MKLN1: variants seen among roughly 807,000 people sequenced by gnomAD.
MKLN1 encodes the protein muskelin 1.
MKLN1 carries 18 observed loss-of-function variants against 99.0 expected under a neutral mutation model. The observed-to-expected ratio is 0.18, with a 90% confidence interval of 0.13 to 0.27. MKLN1 has a LOEUF of 0.27. Among genes scored for constraint, MKLN1 ranks in the 10% least tolerant of loss-of-function variants. The pLI, the probability that MKLN1 is intolerant of heterozygous loss-of-function variation, is 1.00. For synonymous variants in MKLN1, 288 were observed against 293.2 expected (o/e 0.98, Z 0.18); for missense variants, 621 against 875.9 (o/e 0.71, Z 3.67).
At chr7:131,392,514 T>A (rs1039201023) in intron 4 of MKLN1, among the ~76,000 whole-genome samples, 2 of 152,182 alleles carry the variant, frequency 1.3e-5, no homozygotes, top group East Asian at 1.9e-4. Flanking sequence ...CTGTGCTAAG[T>A]ATACTTATGT....
At chr7:131,257,134 C>G (rs1467695592) in intron 3 of MKLN1, among the ~76,000 whole-genome samples, 1 of 152,092 alleles carries the variant, frequency 6.6e-6, no homozygotes, top group Non-Finnish European at 1.5e-5. Flanking sequence ...TAACAAGTAT[C>G]TATAAAATGC....
At position 131,443,580 on chromosome 7, in the gene MKLN1, T is replaced by C; in HGVS notation, c.1273T>C (p.Phe425Leu). 6.2e-7 allele frequency: 1 copy of C among 1,614,110 alleles called. No individual in the cohort carries two copies. Among genetic ancestry groups the C allele is most frequent in the Non-Finnish European group, 8.5e-7 (1 of 1,179,964 alleles). Residue 425 changes from phenylalanine to leucine, a missense_variant, in exon 11 of 18, where the codon TTC (phenylalanine) becomes CTC (leucine). Around this residue, in one of 8 missense-constraint regions of MKLN1, gnomAD observed 361 missense variants for 540.8 expected, o/e 0.67. Coordinates refer to ENST00000352689, the MANE Select transcript of MKLN1 (RefSeq NM_013255.5). Reference protein sequence around the residue: ...VDDSRASEPQFSGLFAFNCQC... With the variant: ...VDDSRASEPQLSGLFAFNCQC... ...TGACAGCAGAGCCAGTGAACCACAA[T>C]TCAGTGGCTTGTTTGCTTTCAACTG...
intron 3 of MKLN1, among the ~76,000 whole-genome samples, chr7:131,271,890 C>G (rs1212099729): frequency 7.0e-6 from 1 of 142,002 alleles, no homozygotes; most frequent in Non-Finnish European, 1.5e-5. Context: ...GCTTAGGCAA[C>G]AAAAGCGAAA....
At position 131,345,541 on chromosome 7, in the gene MKLN1, A is replaced by G. The variant is rs1563303261; in HGVS notation, c.98+17544A>G. 2.6e-5 allele frequency among the ~76,000 whole-genome samples: 4 copies of G among 152,112 alleles called. No homozygotes were observed. The South Asian group carries it at 6.2e-4, about 24-fold the overall frequency. On this transcript the variant is annotated intron_variant, in intron 1 of 17. Coordinates refer to ENST00000352689, the MANE Select transcript of MKLN1 (RefSeq NM_013255.5). ...AGAATAGCTTGGGTAACATAGCGAGACCTCTTCTCTACAAAACGTTAAATT... is the reference window on the plus strand; with the variant it reads ...AGAATAGCTTGGGTAACATAGCGAGGCCTCTTCTCTACAAAACGTTAAATT...
intron 2 of MKLN1, among the ~76,000 whole-genome samples, chr7:131,196,895 T>A (rs1796654662): frequency 6.6e-6 from 1 of 152,134 alleles, no homozygotes; most frequent in Non-Finnish European, 1.5e-5. Context: ...GATGTATACA[T>A]ATACACCCCT....
At chr7:131,159,062 G>A (rs1193462043) in intron 2 of MKLN1, among the ~76,000 whole-genome samples, 1 of 152,102 alleles carries the variant, frequency 6.6e-6, no homozygotes, top group Non-Finnish European at 1.5e-5. Flanking sequence ...TGGGTGTGGT[G>A]GCACACCTGT....
intron 3 of MKLN1, among the ~76,000 whole-genome samples, chr7:131,312,002 T>TTTTTTTG (rs1216188170): frequency 2.6e-5 from 4 of 151,484 alleles, no homozygotes; most frequent in African/African-American, 9.8e-5. Flanking sequence ...GGCAGGTATT[T>TTTTTTTG]TTTTTTGTTT....
intron 1 of MKLN1, among the ~76,000 whole-genome samples, chr7:131,330,592 G>A (rs980487412): frequency 6.6e-6 from 1 of 152,158 alleles, no homozygotes; most frequent in Admixed American, 6.6e-5. Context: ...ACAGTCTGTG[G>A]TCTTTAACTA....
chr7:131,168,268 A>C (rs988582431), intron 2 of MKLN1, among the ~76,000 whole-genome samples: 5 of 152,082 alleles, frequency 3.3e-5, no homozygotes, highest in Non-Finnish European at 5.9e-5. Flanking sequence ...CTGGCCCTAC[A>C]GCTCATTAGC....
chr7:131,433,513 C>G (rs1201540151), intron 9 of MKLN1, among the ~76,000 whole-genome samples: 1 of 152,126 alleles, frequency 6.6e-6, no homozygotes, highest in Admixed American at 6.5e-5. Context: ...CTTTTATCAT[C>G]CATTAATGAA....
At position 131,446,154 on chromosome 7, in the gene MKLN1, C is replaced by T. The variant is rs192920054; in HGVS notation, c.1525+251C>T. On this transcript the variant is annotated intron_variant, in intron 12 of 17. Coordinates refer to ENST00000352689, the MANE Select transcript of MKLN1 (RefSeq NM_013255.5). Reference sequence around the variant, plus strand: ...AATTGTGTGTGTGCTTGTTGGGGGGCGGGGTAGGAAGAATCAATATCTTAA... The same window carrying T: ...AATTGTGTGTGTGCTTGTTGGGGGGTGGGGTAGGAAGAATCAATATCTTAA... Among the ~76,000 whole-genome samples, 423 of 151,848 alleles carry T rather than the reference C, an allele frequency of 2.8e-3. 1 individual carries two copies. The highest frequency in any genetic ancestry group is 4.9e-3 in the Non-Finnish European group (334 of 67,930).
intron 1 of MKLN1, among the ~76,000 whole-genome samples, chr7:131,372,788 T>C (rs1371679660): frequency 6.6e-6 from 1 of 151,484 alleles, no homozygotes; most frequent in Non-Finnish European, 1.5e-5. Flanking sequence ...TAGCATATGG[T>C]GATTAAGAGC....
At chr7:131,194,292 C>T (rs1456240482) in intron 2 of MKLN1, among the ~76,000 whole-genome samples, 1 of 152,104 alleles carries the variant, frequency 6.6e-6, no homozygotes, top group East Asian at 1.9e-4. Context: ...TTCCAACTTC[C>T]CCCGGCAGCC....
At chr7:131,174,404 A>C (rs531543913) in intron 2 of MKLN1, among the ~76,000 whole-genome samples, 73 of 152,220 alleles carry the variant, frequency 4.8e-4, no homozygotes, top group Non-Finnish European at 9.1e-4. Flanking sequence ...TGGTGATGGG[A>C]AAACAATAGC....
chr7:131,200,709 A>C (rs1346095497), intron 2 of MKLN1, among the ~76,000 whole-genome samples: 1 of 152,252 alleles, frequency 6.6e-6, no homozygotes, highest in Non-Finnish European at 1.5e-5. Flanking sequence ...AAGTATTAGC[A>C]CATTGGACTA....
intron 2 of MKLN1, among the ~76,000 whole-genome samples, chr7:131,376,123 TATATATATATATGTATG>T (rs1356179198): frequency 0.39 from 352 of 900 alleles, 3 homozygotes; most frequent in Middle Eastern, 0.5. Context: ...TATATATATA[TATATATATATATGTATG>T]ATGTATGTAT....
rs546474584 is a variant in MKLN1 at position 131,177,255 on chromosome 7, G to A, written c.-296-25602G>A. Among the ~76,000 whole-genome samples, 9 of 152,198 alleles carry A rather than the reference G, an allele frequency of 5.9e-5. No individual in the cohort carries two copies. In the East Asian group the frequency reaches 1.7e-3, roughly 29 times the overall value. On this transcript the variant is annotated intron_variant, in intron 2 of 7. Transcript: ENST00000416992. ...GAGGTCAAGGAGGGTGGATCACGAG[G>A]TCAGGAGTTCGAGACCAGCCAGGCC...
At chr7:131,298,051 A>G (rs1798319908) in intron 3 of MKLN1, among the ~76,000 whole-genome samples, 1 of 152,170 alleles carries the variant, frequency 6.6e-6, no homozygotes, top group Admixed American at 6.5e-5. Flanking sequence ...TGGGAGGCTG[A>G]GGCGGATGGA....
intron 3 of MKLN1, among the ~76,000 whole-genome samples, chr7:131,291,119 T>TTATA (rs1376196837): frequency 6.1e-5 from 9 of 148,580 alleles, no homozygotes; most frequent in Non-Finnish European, 1.3e-4. Context: ...ATTTATTTAT[T>TTATA]TATTTATTTA....
Sources: allele counts gnomAD v4.1 joint callset (sites outside exome capture counted in the v4.1 genomes callset), GRCh38; gene constraint gnomAD v4.1.1; regional missense constraint gnomAD v4.1.1; transcripts MANE v1.5; gene names NCBI Gene and HGNC (gene_info 2026-07-23, HGNC 2026-07-21).